NSUN2: variants seen among roughly 807,000 people sequenced by gnomAD.
NSUN2 encodes RNA cytosine C(5)-methyltransferase NSUN2.
Under a neutral mutation model 92.7 loss-of-function variants are expected in NSUN2, and 63 were observed. The ratio of observed to expected loss-of-function variants is 0.68; its 90% confidence interval spans 0.56 to 0.84. The LOEUF (loss-of-function observed/expected upper bound fraction) is 0.84, where lower values mean the gene tolerates loss of function less well. NSUN2 is among the 40% of genes least tolerant of loss of function. NSUN2 has a pLI of 0.00. For missense variants in NSUN2, 989 were observed against 964.9 expected (o/e 1.02, Z -0.33); for synonymous variants, 356 against 348.3 (o/e 1.02, Z -0.25).
chr5:6,621,341 G>C (rs1737427937), intron 6 of NSUN2: 1 of 151,566 alleles, frequency 6.6e-6, no homozygotes, highest in South Asian at 2.1e-4. Context: ...AAGGCAGTAA[G>C]TAATAATAAT....
chr5:6,617,019 A>G (rs925103891), intron 8 of NSUN2, among the ~76,000 whole-genome samples, 162 bp from the exon 9 acceptor site: 1 of 152,184 alleles, frequency 6.6e-6, no homozygotes, highest in Admixed American at 6.5e-5. Flanking sequence ...AAACTTATAT[A>G]AAGTGTTTCA....
At chr5:6,604,493 G>A (rs1234679520) in intron 16 of NSUN2, 112 bp downstream of exon 16, 11 of 1,040,302 alleles carry the variant, frequency 1.1e-5, no homozygotes, top group Non-Finnish European at 1.3e-5. Flanking sequence ...GCTGGTAGGT[G>A]CCAGCCAAGC....
chr5:6,631,732 G>C, intron 3 of NSUN2, 141 bp downstream of exon 3: 1 of 645,104 alleles, frequency 1.6e-6, no homozygotes, highest in Non-Finnish European at 2.7e-6. Flanking sequence ...GTTGATAAAA[G>C]CACCAGGTAC....
chr5:6,630,247 G>GT (rs1166109470), intron 3 of NSUN2, among the ~76,000 whole-genome samples: 1 of 152,152 alleles, frequency 6.6e-6, no homozygotes. Flanking sequence ...CGTAGCACCC[G>GT]TATCATTTTC....
intron 17 of NSUN2, among the ~76,000 whole-genome samples, chr5:6,603,639 G>A (rs1023601228): frequency 1.2e-4 from 19 of 152,162 alleles, no homozygotes; most frequent in African/African-American, 3.9e-4. Context: ...GCAGTGAGCC[G>A]AGATCGTGCC....
At position 6,620,251 on chromosome 5, in the gene NSUN2, G is replaced by C. The variant is rs1310763339; in HGVS notation, c.670C>G (p.Leu224Val). 4.4e-6 allele frequency: 7 copies of C among 1,609,030 alleles called. No homozygotes were observed. The highest frequency in any genetic ancestry group is 5.9e-6 in the Non-Finnish European group (7 of 1,178,312). The part of the protein sequence containing the change: ...NDVDNKRCYL[L>V]VHQAKRLSSP... ...CTCAGCCTCTTGGCTTGATGGACGA[G>C]CAGGTAGCAGCGCTTGTTGTCCACA... Residue 224 changes from leucine to valine, a missense_variant, in exon 7 of 19, where the codon CTC (leucine) becomes GTC (valine). Physicochemically the swap from Leu to Val is conservative, Grantham distance 32. Coordinates refer to ENST00000264670, the MANE Select transcript of NSUN2 (RefSeq NM_017755.6).
intron 5 of NSUN2, among the ~76,000 whole-genome samples, chr5:6,622,954 A>G (rs1482817350): frequency 6.6e-6 from 1 of 151,564 alleles, no homozygotes; most frequent in Non-Finnish European, 1.5e-5. Flanking sequence ...GCCAATCACC[A>G]TCACTGAAGA....
Position 6,606,860 on chromosome 5 carries a change from C to G in NSUN2, c.1561G>C (p.Val521Leu), listed in dbSNP as rs1436954785. The change falls in exon 14 of 19, where the codon GTA becomes CTA. Residue 521 changes from valine (V) to leucine (L), a missense_variant. Val to Leu is a conservative substitution (Grantham distance 32, BLOSUM62 1). Transcript: ENST00000264670. ...KLFGFKEDPF[V>L]FIPEDDPLFP... Reference sequence around the variant, plus strand: ...AATGGGTCATCTTCAGGAATAAATACAAATGGATCTTCTTTAAATCCAAAT... The same window carrying G: ...AATGGGTCATCTTCAGGAATAAATAGAAATGGATCTTCTTTAAATCCAAAT... 6.3e-7 allele frequency: 1 copy of G among 1,597,038 alleles called. No homozygotes were observed. The highest frequency in any genetic ancestry group is 8.6e-7 in the Non-Finnish European group (1 of 1,165,136).
chr5:6,608,233 G>A (rs897417578), intron 12 of NSUN2, among the ~76,000 whole-genome samples: 5 of 152,206 alleles, frequency 3.3e-5, no homozygotes, highest in African/African-American at 7.2e-5. Flanking sequence ...GAGGGCACAC[G>A]CCCTTCCTGT....
At chr5:6,629,381 G>A (rs752595807) in intron 3 of NSUN2, among the ~76,000 whole-genome samples, 4 of 152,202 alleles carry the variant, frequency 2.6e-5, no homozygotes, top group Admixed American at 1.3e-4. Flanking sequence ...TATTGACATC[G>A]TATGGTTTCT....
rs566284225 is a variant in NSUN2, at chr5:6,631,319, A to C, written c.359+554T>G. On this transcript the variant is annotated intron_variant, in intron 3 of 18. Coordinates refer to ENST00000264670, the MANE Select transcript of NSUN2 (RefSeq NM_017755.6). Reference sequence around the variant, plus strand: ...TAGAACCGAGCCATGAGGAATAGGTAACCCAGAAGGCACCTCCAGGACAGG... The same window carrying C: ...TAGAACCGAGCCATGAGGAATAGGTCACCCAGAAGGCACCTCCAGGACAGG... 2.0e-5 allele frequency among the ~76,000 whole-genome samples: 3 copies of C among 152,328 alleles called. No individual in the cohort carries two copies. The South Asian group carries it at 6.2e-4, about 32-fold the overall frequency.
chr5:6,628,083 C>T (rs992098682), intron 3 of NSUN2, among the ~76,000 whole-genome samples: 2 of 152,186 alleles, frequency 1.3e-5, no homozygotes, highest in African/African-American at 4.8e-5. Flanking sequence ...TGCAGTGGCT[C>T]ATGCCTGTAA....
Position 6,632,651 on chromosome 5 carries a change from C to T in NSUN2, c.202G>A (p.Asp68Asn), listed in dbSNP as rs1737973439. The T allele has an allele frequency of 6.8e-6, 11 of 1,614,200 alleles. No individual in the cohort carries two copies. The highest frequency in any genetic ancestry group is 1.1e-5 in the South Asian group (1 of 91,090). ...GCCGGGAGCGGCTCCCTGAGAGCGTCCATGAACTGGCCCCACTCGCCCTCG... is the reference window on the plus strand; with the variant it reads ...GCCGGGAGCGGCTCCCTGAGAGCGTTCATGAACTGGCCCCACTCGCCCTCG... ...VPEGEWGQFM[D>N]ALREPLPATL... The change falls in exon 2 of 19, where the codon GAC becomes AAC. Residue 68 changes from aspartate to asparagine, a missense_variant. Asp to Asn is a conservative substitution (Grantham distance 23). Around this residue, in one of 3 missense-constraint regions of NSUN2, gnomAD observed 356 missense variants for 338.6 expected, o/e 1.05. Coordinates refer to ENST00000264670, the MANE Select transcript of NSUN2 (RefSeq NM_017755.6).
chr5:6,625,754 C>A, intron 3 of NSUN2, 85 bp from the exon 4 acceptor site: 1 of 857,568 alleles, frequency 1.2e-6, no homozygotes, highest in Non-Finnish European at 2.0e-6. Flanking sequence ...CAGTCGCATG[C>A]CAAATGAGAC....
chr5:6,611,671 C>G, intron 10 of NSUN2, 54 bp downstream of exon 10: 3 of 1,469,776 alleles, frequency 2.0e-6, no homozygotes, highest in Non-Finnish European at 2.9e-6. Flanking sequence ...CTTGACTCTA[C>G]TTCAGTGATG....
chr5:6,621,853 T>C (rs768131813), intron 6 of NSUN2, 163 bp downstream of exon 6: 57 of 607,370 alleles, frequency 9.4e-5, no homozygotes, highest in Non-Finnish European at 1.6e-4. Flanking sequence ...CTACTGACGG[T>C]GGTAGGCAAG....
At chr5:6,620,576 G>T in intron 6 of NSUN2, 1 of 292,092 alleles carries the variant, frequency 3.4e-6, no homozygotes. Flanking sequence ...TGTCTTTTCT[G>T]TTATTAGTAA....
chr5:6,602,374 C>A, intron 18 of NSUN2, 87 bp downstream of exon 18: 1 of 1,378,204 alleles, frequency 7.3e-7, no homozygotes, highest in South Asian at 1.2e-5. Flanking sequence ...AGGTTCCCAC[C>A]TTCCCAAGTC....
intron 17 of NSUN2, 105 bp from the exon 18 acceptor site, chr5:6,602,605 A>ATC: frequency 9.6e-7 from 1 of 1,046,060 alleles, no homozygotes; most frequent in East Asian, 2.4e-5. Flanking sequence ...TGAAGAAAGA[A>ATC]AACAACAAAT....
Sources: allele counts gnomAD v4.1 joint callset (sites outside exome capture counted in the v4.1 genomes callset), GRCh38; gene constraint gnomAD v4.1.1; regional missense constraint gnomAD v4.1.1; transcripts MANE v1.5; gene names NCBI Gene and HGNC (gene_info 2026-07-23, HGNC 2026-07-21).